The following LYST variants were observed in gnomAD, a reference collection of about 807,000 sequenced individuals.
LYST encodes lysosomal trafficking regulator, also known as lysosomal-trafficking regulator.
A neutral mutation model predicts 413.6 loss-of-function variants in LYST; 192 were observed. The observed-to-expected ratio is 0.46, with a 90% CI of 0.41 to 0.52. LYST has a LOEUF of 0.52. Among genes scored for constraint, LYST ranks in the 20% least tolerant of loss-of-function variants. LYST has a pLI of 0.00. For missense variants in LYST, 3,815 were observed against 4,499.9 expected (o/e 0.85, Z 4.35); for synonymous variants, 1,525 against 1,567.3 (o/e 0.97, Z 0.64).
intron 21 of LYST, among the ~76,000 whole-genome samples, chr1:235,765,330 T>C (rs565159827): frequency 2.0e-5 from 3 of 152,342 alleles, no homozygotes; most frequent in Admixed American, 6.5e-5. Flanking sequence ...GATTCTGTTA[T>C]CCTGTCTCTC....
At chr1:235,821,318 T>C (rs1392022494) in intron 3 of LYST, among the ~76,000 whole-genome samples, 2 of 152,174 alleles carry the variant, frequency 1.3e-5, no homozygotes, top group Admixed American at 6.5e-5. Flanking sequence ...ATGCCTGTAA[T>C]CACAGCTATT....
At chr1:235,684,518 T>C (rs930650227) in intron 48 of LYST, among the ~76,000 whole-genome samples, 1 of 152,238 alleles carries the variant, frequency 6.6e-6, no homozygotes, top group Non-Finnish European at 1.5e-5. Context: ...ATATTACAGA[T>C]GTTATAAAAT....
At chr1:235,762,981 C>T (rs1296462356) in intron 21 of LYST, 130 bp from the exon 22 acceptor site, 1 of 699,796 alleles carries the variant, frequency 1.4e-6, no homozygotes, top group Non-Finnish European at 2.5e-6. Context: ...ATATAGCATA[C>T]TTTATATTAA....
intron 39 of LYST, among the ~76,000 whole-genome samples, 175 bp downstream of exon 39, chr1:235,723,853 T>G (rs960641715): frequency 6.6e-6 from 1 of 152,202 alleles, no homozygotes; most frequent in Non-Finnish European, 1.5e-5. Flanking sequence ...AGAATTTACC[T>G]CACTGTGGAG....
chr1:235,842,130 G>T (rs1286807354), intron 1 of LYST, among the ~76,000 whole-genome samples: 1 of 152,018 alleles, frequency 6.6e-6, no homozygotes, highest in Non-Finnish European at 1.5e-5. Context: ...GGTGGGTGGA[G>T]GCAGCAGAAG....
In LYST at chr1:235,663,937, C is replaced by T. The variant is rs1658229624; in HGVS notation, c.11267+47G>A. 12 of 1,446,324 alleles carry T rather than the reference C, an allele frequency of 8.3e-6. No individual in the cohort carries two copies. In the Middle Eastern group the frequency reaches 1.9e-3, roughly 231 times the overall value. The allele number at this position is 1,446,324 out of a possible 1,614,324, so 89.6% of individuals were successfully genotyped here. A position where few individuals can be genotyped will look rare whatever the true frequency, so the allele number is the denominator to read the frequency against. On this transcript the variant is annotated intron_variant, in intron 52 of 52. Transcript: ENST00000389793. ...CTTAAATACCTCTCTACGAAAAATA[C>T]AATCACAAATTGTATTCTGAAGCAT...
intron 10 of LYST, among the ~76,000 whole-genome samples, chr1:235,794,622 C>T (rs76629713): frequency 0.04 from 6,073 of 152,214 alleles, 417 homozygotes; most frequent in African/African-American, 0.14. Flanking sequence ...TTTTAAAAGA[C>T]TGGTAGTTTT....
In LYST at chr1:235,713,287, T is replaced by C. The variant is rs1315013182; in HGVS notation, c.9785-1090A>G. The stretch of plus-strand genomic sequence containing the variant: ...AAAAAGTTATCAATCAAAATGGAAT[T>C]CAGAAAAATTAAGGTAATTCTCAAA... On this transcript the variant is annotated intron_variant, in intron 42 of 52. Coordinates refer to ENST00000389793, the MANE Select transcript of LYST (RefSeq NM_000081.4). The C allele has an allele frequency of 4.2e-6, 3 of 706,530 alleles. No individual in the cohort carries two copies. The African/African-American group carries it at 5.8e-5, about 14-fold the overall frequency. The allele number at this position is 706,530 out of a possible 1,614,324, so 43.8% of individuals were successfully genotyped here. A position where few individuals can be genotyped will look rare whatever the true frequency, so the allele number is the denominator to read the frequency against.
chr1:235,761,861 C>T (rs898140557), intron 22 of LYST, among the ~76,000 whole-genome samples: 1 of 150,530 alleles, frequency 6.6e-6, no homozygotes, highest in African/African-American at 2.4e-5. Flanking sequence ...CAGAACTCCC[C>T]CAAAGGATTC....
At chr1:235,780,714 A>AT (rs1194618380) in intron 16 of LYST, 151 bp downstream of exon 16, 2 of 391,422 alleles carry the variant, frequency 5.1e-6, no homozygotes, top group Admixed American at 4.4e-5. Flanking sequence ...AAGTGTTTCA[A>AT]TTTTTTTCAG....
Position 235,802,906 on chromosome 1 carries a change from A to G in LYST, c.3712+2T>C. 3 of 1,613,268 alleles carry G rather than the reference A, an allele frequency of 1.9e-6. No individual in the cohort carries two copies. Among genetic ancestry groups the G allele is most frequent in the Non-Finnish European group, 2.5e-6 (3 of 1,179,680 alleles). On this transcript the variant is annotated splice_donor_variant, in intron 8 of 52. Transcript: ENST00000389793. LOFTEE classifies it high-confidence loss of function. The stretch of plus-strand genomic sequence containing the variant: ...ATTACAAGCACTTCAATGATATTTT[A>G]CCATCATCCTGGGTTTCGCCATCTT...
chr1:235,845,262 C>T (rs1214157926), intron 1 of LYST, among the ~76,000 whole-genome samples: 1 of 152,158 alleles, frequency 6.6e-6, no homozygotes, highest in Non-Finnish European at 1.5e-5. Context: ...TCTGACCTTA[C>T]CTGAGCTGAA....
In LYST at chr1:235,766,279, T is replaced by A; in HGVS notation, c.5923-2A>T. On this transcript the variant is annotated splice_acceptor_variant, in intron 20 of 52. Coordinates refer to ENST00000389793, the MANE Select transcript of LYST (RefSeq NM_000081.4). LOFTEE classifies it high-confidence loss of function. ...TGTGAGTTGCCCCTCTTTGTATTCC[T>A]GAAAAAATAAAAAAAACTCTCTTTA... is the stretch of plus-strand genomic sequence containing the variant. 1 of 1,591,226 alleles carries A rather than the reference T, an allele frequency of 6.3e-7. No homozygotes were observed. Among genetic ancestry groups the A allele is most frequent in the Non-Finnish European group, 8.5e-7 (1 of 1,171,234 alleles).
chr1:235,764,358 C>G (rs1667897875), intron 21 of LYST, among the ~76,000 whole-genome samples: 1 of 152,134 alleles, frequency 6.6e-6, no homozygotes, highest in Admixed American at 6.5e-5. Context: ...GTAACTAACC[C>G]ACTCTCAGAA....
intron 3 of LYST, among the ~76,000 whole-genome samples, chr1:235,816,303 T>C (rs1202259130): frequency 6.6e-6 from 1 of 150,428 alleles, no homozygotes; most frequent in African/African-American, 2.4e-5. Context: ...TAGCCAGGCA[T>C]GATGCCATGT....
chr1:235,671,451 T>C (rs191331402), intron 50 of LYST, among the ~76,000 whole-genome samples: 40 of 152,356 alleles, frequency 2.6e-4, no homozygotes, highest in African/African-American at 8.7e-4. Flanking sequence ...CTGATTTGTA[T>C]ATGTTGAATC....
Position 235,806,143 on chromosome 1 carries a change from A to G in LYST, c.2993T>C (p.Ile998Thr), listed in dbSNP as rs770969479. 4.3e-6 allele frequency: 7 copies of G among 1,613,800 alleles called. No homozygotes were observed. The South Asian group carries it at 7.7e-5, about 18-fold the overall frequency. ...RVCHKLIFMI[I>T]QKLFRSHKEE... ...TTTGTGACTTCTGAACAGTTTCTGT[A>G]TTATCATAAATATTAACTTATGGCA... The change falls in exon 6 of 53, where the codon ATA becomes ACA. Residue 998 changes from isoleucine to threonine, a missense_variant. Coordinates refer to ENST00000389793, the MANE Select transcript of LYST (RefSeq NM_000081.4).
chr1:235,832,719 C>T (rs535682522), intron 2 of LYST, among the ~76,000 whole-genome samples: 1 of 152,142 alleles, frequency 6.6e-6, no homozygotes, highest in Admixed American at 6.5e-5. Context: ...TTTTTATTAT[C>T]ATAAACAAAG....
chr1:235,784,036 T>G (rs1558239125), intron 14 of LYST, among the ~76,000 whole-genome samples: 1 of 152,114 alleles, frequency 6.6e-6, no homozygotes, highest in Non-Finnish European at 1.5e-5. Flanking sequence ...CGCATTACCA[T>G]GCCCAGCTAA....
Sources: allele counts gnomAD v4.1 joint callset (sites outside exome capture counted in the v4.1 genomes callset), GRCh38; gene constraint gnomAD v4.1.1; transcripts MANE v1.5; gene names NCBI Gene and HGNC (gene_info 2026-07-23, HGNC 2026-07-21).